Variants in INVS observed in about 807,000 individuals in gnomAD.
INVS encodes inversin, also known as inversion of embryo turning homolog.
A neutral mutation model predicts 108.8 loss-of-function variants in INVS; 86 were observed. The ratio of observed to expected loss-of-function variants is 0.79; its 90% CI spans 0.66 to 0.95. The LOEUF (loss-of-function observed/expected upper bound fraction) is 0.95, where lower values mean the gene tolerates loss of function less well. INVS is among the 40% of genes least tolerant of loss of function. The pLI, the probability that INVS is intolerant of heterozygous loss-of-function variation, is 0.00. For missense variants in INVS, 1,169 were observed against 1,297.4 expected (o/e 0.90, Z 1.52); for synonymous variants, 455 against 473.5 (o/e 0.96, Z 0.51).
intron 3 of INVS, chr9:100,129,599 A>G (rs1588022689): frequency 3.5e-6 from 2 of 565,618 alleles, no homozygotes; most frequent in Middle Eastern, 3.1e-4. Context: ...TCTGGCCATA[A>G]TGGCTTATTT....
intron 3 of INVS, among the ~76,000 whole-genome samples, chr9:100,220,605 A>C (rs549932841): frequency 1.3e-5 from 2 of 152,076 alleles, no homozygotes; most frequent in Non-Finnish European, 2.9e-5. Flanking sequence ...CTCTTATACT[A>C]TTTCCTACCC....
chr9:100,193,237 C>T (rs1231019242), intron 3 of INVS, among the ~76,000 whole-genome samples: 1 of 152,104 alleles, frequency 6.6e-6, no homozygotes, highest in Non-Finnish European at 1.5e-5. Flanking sequence ...ACCTTGGCTG[C>T]CCAAAGTGCT....
At chr9:100,111,769 A>G (rs1182571009) in intron 2 of INVS, among the ~76,000 whole-genome samples, 1 of 150,784 alleles carries the variant, frequency 6.6e-6, no homozygotes, top group Non-Finnish European at 1.5e-5. Flanking sequence ...GTATTAGCTG[A>G]ATGTTATAAG....
At chr9:100,266,535 CA>C (rs1356269263) in intron 11 of INVS, among the ~76,000 whole-genome samples, 1 of 152,114 alleles carries the variant, frequency 6.6e-6, no homozygotes, top group Non-Finnish European at 1.5e-5. Flanking sequence ...TGAGGACAAC[CA>C]GAGGTCACTC....
rs1221884350 is a variant in INVS at position 100,109,118 on chromosome 9, TGTA to T, written c.106+4495_106+4497del. ...GTAGATTCATTTTAATACTATACAGTGTAGTATTGGTAGAAAAAAGTATAGATT... is the reference window on the plus strand; with the variant it reads ...GTAGATTCATTTTAATACTATACAGTGTATTGGTAGAAAAAAGTATAGATT... On this transcript the variant is annotated intron_variant, in intron 2 of 16. Coordinates refer to ENST00000262457, the MANE Select transcript of INVS (RefSeq NM_014425.5). Among the ~76,000 whole-genome samples the T allele has an allele frequency of 8.5e-5, 13 of 152,312 alleles. No homozygotes were observed. The East Asian group carries it at 2.5e-3, about 29-fold the overall frequency.
chr9:100,177,212 C>A (rs1392004236), intron 3 of INVS, among the ~76,000 whole-genome samples: 1 of 152,108 alleles, frequency 6.6e-6, no homozygotes, highest in South Asian at 2.1e-4. Flanking sequence ...TGGGCAGACA[C>A]CAAGCTACCT....
chr9:100,155,171 A>G (rs1828934178), intron 3 of INVS, among the ~76,000 whole-genome samples: 1 of 151,334 alleles, frequency 6.6e-6, no homozygotes, highest in Admixed American at 6.6e-5. Context: ...AGATAGTGCC[A>G]TTGCACTCCA....
At chr9:100,258,276 A>G (rs1032099649) in intron 10 of INVS, among the ~76,000 whole-genome samples, 4 of 152,102 alleles carry the variant, frequency 2.6e-5, no homozygotes, top group Admixed American at 6.5e-5. Flanking sequence ...GGTCGTTTCT[A>G]TGCTTTTTAT....
At chr9:100,224,374 A>C (rs1204446673) in intron 3 of INVS, among the ~76,000 whole-genome samples, 2 of 152,208 alleles carry the variant, frequency 1.3e-5, no homozygotes, top group African/African-American at 2.4e-5. Context: ...ATAGGCACGA[A>C]GTAGGCTGAG....
Position 100,242,686 on chromosome 9 carries a change from A to AGG in INVS, c.906+7_906+8insGG. ...TGCTCAGAGTAACTTTGCTGTAAGT[A>AGG]AAACAAGACAATGCTCTTTTTTCTT... is the stretch of plus-strand genomic sequence containing the variant. On this transcript the variant is annotated splice_region_variant and intron_variant, in intron 7 of 16. Transcript: ENST00000262457. 1 of 1,460,726 alleles carries AGG rather than the reference A, an allele frequency of 6.8e-7. No individual in the cohort carries two copies. The highest frequency in any genetic ancestry group is 9.6e-7 in the Non-Finnish European group (1 of 1,040,302). The allele number at this position is 1,460,726 out of a possible 1,614,324, so 90.5% of individuals were successfully genotyped here. A position where few individuals can be genotyped will look rare whatever the true frequency, so the allele number is the denominator to read the frequency against.
intron 12 of INVS, among the ~76,000 whole-genome samples, chr9:100,281,522 T>A (rs755063709): frequency 6.6e-5 from 10 of 152,232 alleles, no homozygotes; most frequent in Non-Finnish European, 1.0e-4. Context: ...CCGTTTTTTC[T>A]CAGTGATCAC....
At chr9:100,233,380 T>C (rs1179537427) in intron 5 of INVS, among the ~76,000 whole-genome samples, 6 of 152,210 alleles carry the variant, frequency 3.9e-5, no homozygotes, top group African/African-American at 1.4e-4. Context: ...TCTTACCTGA[T>C]TGCCCTGGCC....
chr9:100,162,099 G>T (rs1322120546), intron 3 of INVS, among the ~76,000 whole-genome samples: 1 of 152,126 alleles, frequency 6.6e-6, no homozygotes, highest in Non-Finnish European at 1.5e-5. Context: ...AGACTAAATG[G>T]TATAATAATA....
chr9:100,203,828 T>TA (rs34556439), intron 3 of INVS, among the ~76,000 whole-genome samples: 3 of 152,116 alleles, frequency 2.0e-5, no homozygotes, highest in Non-Finnish European at 4.4e-5. Context: ...TAATGTTGTG[T>TA]AAAAAAATGG....
At chr9:100,291,725 G>T (rs1343675397) in intron 13 of INVS, among the ~76,000 whole-genome samples, 2 of 152,172 alleles carry the variant, frequency 1.3e-5, no homozygotes, top group African/African-American at 4.8e-5. Context: ...GACGACTTTG[G>T]TTTTAAATTC....
At chr9:100,136,831 G>A (rs1391889792) in intron 3 of INVS, among the ~76,000 whole-genome samples, 2 of 152,148 alleles carry the variant, frequency 1.3e-5, no homozygotes, top group Non-Finnish European at 2.9e-5. Context: ...CCTGAAGTCA[G>A]AAGTTCAAGA....
intron 8 of INVS, 55 bp downstream of exon 8, chr9:100,246,842 T>C: frequency 6.7e-7 from 1 of 1,482,120 alleles, no homozygotes; most frequent in South Asian, 1.1e-5. Context: ...AAAGTGTAGA[T>C]GTTGCTATAA....
At chr9:100,251,126 A>G (rs1475023087) in intron 8 of INVS, among the ~76,000 whole-genome samples, 2 of 152,248 alleles carry the variant, frequency 1.3e-5, no homozygotes, top group African/African-American at 4.8e-5. Context: ...AATTATCACT[A>G]TATAATAACT....
intron 3 of INVS, among the ~76,000 whole-genome samples, chr9:100,163,265 G>A (rs1829250621): frequency 6.8e-6 from 1 of 147,360 alleles, no homozygotes; most frequent in African/African-American, 2.5e-5. Flanking sequence ...AAATCACTTA[G>A]CTGTTCCAGT....
Sources: gnomAD v4.1 joint callset for allele counts (sites outside exome capture counted in the v4.1 genomes callset) on GRCh38, gnomAD v4.1.1 for gene constraint, MANE v1.5 for transcripts, NCBI Gene and HGNC (gene_info 2026-07-23, HGNC 2026-07-21) for gene names.